KATNAL1: variants seen among roughly 807,000 people sequenced by gnomAD.
KATNAL1 encodes the protein katanin catalytic subunit A1 like 1.
A neutral mutation model predicts 55.2 loss-of-function variants in KATNAL1; 32 were observed. The observed-to-expected ratio is 0.58, with a 90% confidence interval of 0.44 to 0.78. The LOEUF (loss-of-function observed/expected upper bound fraction) is 0.78. Among genes scored for constraint, KATNAL1 ranks in the 30% least tolerant of loss-of-function variants. The probability of loss-of-function intolerance (pLI) is 0.00; values close to 1 mark genes in which losing one functional copy is unlikely to be tolerated. For missense variants in KATNAL1, 466 were observed against 600.9 expected (o/e 0.78, Z 2.35); for synonymous variants, 193 against 193.6 (o/e 1.00, Z 0.02).
intron 9 of KATNAL1, among the ~76,000 whole-genome samples, chr13:30,211,470 C>T (rs137945095): frequency 1.8e-3 from 273 of 152,348 alleles, no homozygotes; most frequent in Admixed American, 7.2e-3. Flanking sequence ...GTCTAATACA[C>T]AATTCAAAGC....
At chr13:30,218,938 T>C (rs1874580730) in intron 9 of KATNAL1, among the ~76,000 whole-genome samples, 1 of 152,184 alleles carries the variant, frequency 6.6e-6, no homozygotes, top group Non-Finnish European at 1.5e-5. Context: ...TTGGAGTGGT[T>C]TGTTAAACTG....
chr13:30,302,548 A>T (rs1350965027), intron 1 of KATNAL1, among the ~76,000 whole-genome samples: 1 of 152,248 alleles, frequency 6.6e-6, no homozygotes, highest in Non-Finnish European at 1.5e-5. Flanking sequence ...GAATACTGAC[A>T]TATAAAGACA....
Position 30,304,662 on chromosome 13 carries a change from T to C in KATNAL1, c.-15+2669A>G, listed in dbSNP as rs902448496. Among the ~76,000 whole-genome samples, 135 of 152,284 alleles carry C rather than the reference T, an allele frequency of 8.9e-4. 1 individual carries two copies. Among genetic ancestry groups the C allele is most frequent in the African/African-American group, 3.1e-3 (129 of 41,548 alleles). ...ATGTGAGCTGGTCCATTCTCCCTTG[T>C]AGCTTTAATTACTTATCTATATGCA... On this transcript the variant is annotated intron_variant, in intron 1 of 10. Transcript: ENST00000380615.
chr13:30,274,937 A>G (rs956433950), intron 3 of KATNAL1, among the ~76,000 whole-genome samples: 45 of 151,682 alleles, frequency 3.0e-4, no homozygotes, highest in African/African-American at 1.1e-3. Context: ...ACACACACAC[A>G]CACACACACA....
intron 6 of KATNAL1, among the ~76,000 whole-genome samples, chr13:30,235,765 A>G (rs976062473): frequency 2.0e-5 from 3 of 152,128 alleles, no homozygotes; most frequent in Non-Finnish European, 4.4e-5. Context: ...TGTCATCGTA[A>G]GTACAGCTGC....
intron 9 of KATNAL1, among the ~76,000 whole-genome samples, chr13:30,213,247 C>T (rs1016270716): frequency 9.9e-5 from 15 of 152,122 alleles, no homozygotes; most frequent in South Asian, 6.2e-4. Context: ...TCTGAATAGA[C>T]CAATAACAGG....
intron 9 of KATNAL1, among the ~76,000 whole-genome samples, chr13:30,217,977 C>T (rs1015836342): frequency 2.6e-5 from 4 of 151,950 alleles, no homozygotes; most frequent in African/African-American, 7.3e-5. Context: ...GAGAAGACTG[C>T]GTGATGTCCA....
Position 30,259,343 on chromosome 13 carries a change from GA to G in KATNAL1, c.324-3729del, listed in dbSNP as rs539679658. Among the ~76,000 whole-genome samples the G allele has an allele frequency of 2.7e-3, 387 of 142,646 alleles. 2 individuals are homozygous for G. Among genetic ancestry groups the G allele is most frequent in the African/African-American group, 7.8e-3 (307 of 39,220 alleles). 93.6% of individuals were successfully genotyped at this position (142,646 alleles called of 152,430 possible). On this transcript the variant is annotated intron_variant, in intron 3 of 10. Coordinates refer to ENST00000380615, the MANE Select transcript of KATNAL1 (RefSeq NM_032116.5). ...CCACACAGCAAGGCTCCATCTCAAAGAAAAAAAAAAAAGTGGGGGGAGGAGC... is the reference window on the plus strand; with the variant it reads ...CCACACAGCAAGGCTCCATCTCAAAGAAAAAAAAAAAGTGGGGGGAGGAGC...
At chr13:30,274,897 GCGCGCGCGCGCACACACACACA>G (rs1333975791) in intron 3 of KATNAL1, among the ~76,000 whole-genome samples, 2 of 103,968 alleles carry the variant, frequency 1.9e-5, no homozygotes, top group African/African-American at 8.8e-5. Flanking sequence ...ACATACGCGC[GCGCGCGCGCGCACACACACACA>G]CACACACACA....
intron 1 of KATNAL1, among the ~76,000 whole-genome samples, chr13:30,299,859 G>C (rs981179842): frequency 6.6e-6 from 1 of 152,080 alleles, no homozygotes; most frequent in African/African-American, 2.4e-5. Flanking sequence ...GCTTTATCTG[G>C]TTCCAGATAA....
intron 9 of KATNAL1, among the ~76,000 whole-genome samples, chr13:30,212,609 A>T (rs1873796962): frequency 6.6e-6 from 1 of 152,214 alleles, no homozygotes; most frequent in Non-Finnish European, 1.5e-5. Flanking sequence ...GAATTCATCT[A>T]TTAATACTGC....
At chr13:30,292,945 G>A (rs575076534) in intron 1 of KATNAL1, among the ~76,000 whole-genome samples, 3 of 152,182 alleles carry the variant, frequency 2.0e-5, no homozygotes, top group South Asian at 2.1e-4. Context: ...TTCCTAATTC[G>A]TTATATATCA....
At chr13:30,297,372 A>G (rs552471900) in intron 1 of KATNAL1, among the ~76,000 whole-genome samples, 1 of 152,322 alleles carries the variant, frequency 6.6e-6, no homozygotes, top group East Asian at 1.9e-4. Flanking sequence ...TTTTTTAGCA[A>G]TACAGTCTTT....
chr13:30,246,516 G>T (rs1215101067), intron 4 of KATNAL1, among the ~76,000 whole-genome samples: 2 of 152,078 alleles, frequency 1.3e-5, no homozygotes, highest in Non-Finnish European at 2.9e-5. Context: ...CCAAAGCAAT[G>T]GCAACAAAAG....
chr13:30,273,697 G>C (rs1158973931), intron 3 of KATNAL1, among the ~76,000 whole-genome samples: 1 of 152,158 alleles, frequency 6.6e-6, no homozygotes, highest in African/African-American at 2.4e-5. Flanking sequence ...TTAAGAAAAT[G>C]AGTATAATCT....
rs1266646167 is a variant in KATNAL1 at position 30,202,733 on chromosome 13, C to T, written c.*5807G>A. ...TAGCAGCACAAAAGGTAAGGAAAAA[C>T]ACATTTAATAAATACAACTTGGAAA... On this transcript the variant is annotated 3_prime_UTR_variant, in exon 11 of 11. Coordinates refer to ENST00000380615, the MANE Select transcript of KATNAL1 (RefSeq NM_032116.5). The T allele has an allele frequency of 6.6e-6, 1 of 152,182 alleles. No homozygotes were observed. The highest frequency in any genetic ancestry group is 1.9e-4 in the East Asian group (1 of 5,200). The allele number at this position is 152,182 out of a possible 1,614,324, so 9.4% of individuals were successfully genotyped here. A position where few individuals can be genotyped will look rare whatever the true frequency, so the allele number is the denominator to read the frequency against.
intron 4 of KATNAL1, among the ~76,000 whole-genome samples, chr13:30,251,513 C>T (rs553170812): frequency 6.6e-6 from 1 of 152,262 alleles, no homozygotes; most frequent in East Asian, 1.9e-4. Flanking sequence ...TGGCCCCTTC[C>T]ATCCTGTAAG....
At chr13:30,249,076 A>C (rs993657136) in intron 4 of KATNAL1, among the ~76,000 whole-genome samples, 52 of 145,220 alleles carry the variant, frequency 3.6e-4, no homozygotes, top group Middle Eastern at 3.6e-3. Context: ...AAAAAAAATT[A>C]CAAAAATTAG....
chr13:30,302,686 G>C (rs1032180750), intron 1 of KATNAL1, among the ~76,000 whole-genome samples: 4 of 152,132 alleles, frequency 2.6e-5, no homozygotes, highest in Non-Finnish European at 5.9e-5. Context: ...TTGTTTTTTG[G>C]AGATGATTTC....
Sources: allele counts gnomAD v4.1 joint callset (sites outside exome capture counted in the v4.1 genomes callset), GRCh38; gene constraint gnomAD v4.1.1; transcripts MANE v1.5; gene names NCBI Gene and HGNC (gene_info 2026-07-23, HGNC 2026-07-21).